Variants in MED12L observed in about 807,000 individuals in gnomAD.
The protein encoded by MED12L is mediator complex subunit 12L.
In MED12L, 60 loss-of-function variants were observed where a neutral mutation model predicts 281.3. That is an observed-to-expected ratio of 0.21 (90% confidence interval 0.17 to 0.26). MED12L has a LOEUF of 0.26. Ranked by LOEUF, MED12L falls within the 10% of genes least tolerant of loss-of-function variation. MED12L has a pLI of 1.00. For missense variants in MED12L, 2,146 were observed against 2,680.9 expected (o/e 0.80, Z 4.41); for synonymous variants, 974 against 987.2 (o/e 0.99, Z 0.25).
intron 16 of MED12L, among the ~76,000 whole-genome samples, chr3:151,296,272 A>G (rs1745075779): frequency 6.6e-6 from 1 of 152,214 alleles, no homozygotes; most frequent in East Asian, 1.9e-4. Flanking sequence ...ACTGCATCAT[A>G]TAATCAGTGA....
At chr3:151,385,719 GGGAA>G (rs1281923144) in intron 36 of MED12L, among the ~76,000 whole-genome samples, 136 of 147,292 alleles carry the variant, frequency 9.2e-4, no homozygotes, top group South Asian at 1.7e-3. Context: ...TCTCTGGGGG[GGGAA>G]AAAAAAAAAA....
At chr3:151,088,377 A>G (rs1719558798) in intron 2 of MED12L, among the ~76,000 whole-genome samples, 1 of 152,154 alleles carries the variant, frequency 6.6e-6, no homozygotes, top group Non-Finnish European at 1.5e-5. Flanking sequence ...ACTTAGAATG[A>G]AGTTAATGGT....
At chr3:151,308,857 A>C (rs532449572) in intron 16 of MED12L, among the ~76,000 whole-genome samples, 1 of 152,312 alleles carries the variant, frequency 6.6e-6, no homozygotes, top group Non-Finnish European at 1.5e-5. Context: ...AGCTTAACCA[A>C]ACCTTAATGC....
At chr3:151,285,045 A>G (rs1743287627) in intron 16 of MED12L, among the ~76,000 whole-genome samples, 1 of 152,376 alleles carries the variant, frequency 6.6e-6, no homozygotes, top group East Asian at 1.9e-4. Context: ...TGTTGATAAA[A>G]AGAAACAAAA....
intron 16 of MED12L, among the ~76,000 whole-genome samples, chr3:151,239,777 A>G (rs1387874309): frequency 1.3e-5 from 2 of 152,176 alleles, no homozygotes; most frequent in Non-Finnish European, 2.9e-5. Context: ...TATGGTTGTT[A>G]GTTTGCTTGT....
In MED12L at chr3:151,416,406, A is replaced by G. The variant is rs1199683066; in HGVS notation, c.6392A>G (p.Gln2131Arg). The G allele has an allele frequency of 6.2e-7, 1 of 1,613,830 alleles. No individual in the cohort carries two copies. The highest frequency in any genetic ancestry group is 2.2e-5 in the East Asian group (1 of 44,884). The stretch of plus-strand genomic sequence containing the variant: ...CAGACCCTTGGTCTCCAAGCAATGC[A>G]GCCCCAGCAGCCCTTGGTAAGGCCT... ...QSQTLGLQAMQPQQPLFPRQG... is the reference protein window; with the variant it reads ...QSQTLGLQAMRPQQPLFPRQG... The change falls in exon 43 of 45, where the codon CAG becomes CGG. Residue 2131 changes from glutamine (Q) to arginine (R), a missense_variant. Gln to Arg is a conservative substitution (Grantham distance 43). Coordinates refer to ENST00000687756, the MANE Select transcript of MED12L (RefSeq NM_001393769.1).
intron 16 of MED12L, chr3:151,337,906 T>G: frequency 1.2e-6 from 2 of 1,614,122 alleles, no homozygotes; most frequent in Non-Finnish European, 1.7e-6. Context: ...TTGGGGCACT[T>G]CAGCATACTT....
At chr3:151,240,452 G>A (rs939152463) in intron 16 of MED12L, among the ~76,000 whole-genome samples, 5 of 152,202 alleles carry the variant, frequency 3.3e-5, no homozygotes, top group Non-Finnish European at 7.3e-5. Flanking sequence ...CCAGGTACTA[G>A]CATGTCTTGT....
At chr3:151,175,209 A>G (rs1209965830) in intron 11 of MED12L, among the ~76,000 whole-genome samples, 1 of 152,174 alleles carries the variant, frequency 6.6e-6, no homozygotes, top group African/African-American at 2.4e-5. Context: ...CTCAGCTTGC[A>G]ACCTATATGA....
rs35742538 is a variant in MED12L, at chr3:151,292,288, CTTT to C, written c.2251-57756_2251-57754del. Among the ~76,000 whole-genome samples, 688 of 139,852 alleles carry C rather than the reference CTTT, an allele frequency of 4.9e-3. 13 individuals are homozygous for C. Among genetic ancestry groups the C allele is most frequent in the African/African-American group, 0.011 (412 of 36,706 alleles). 91.7% of individuals were successfully genotyped at this position (139,852 alleles called of 152,430 possible). A position where few individuals can be genotyped will look rare whatever the true frequency, so the allele number is the denominator to read the frequency against. ...TATTTTCCCAGCAATAATATTGCTCCTTTTTTTTTTTTTTTTTGGATGGAGTTT... is the reference window on the plus strand; with the variant it reads ...TATTTTCCCAGCAATAATATTGCTCCTTTTTTTTTTTTTTGGATGGAGTTT... On this transcript the variant is annotated intron_variant, in intron 16 of 44. Coordinates refer to ENST00000687756, the MANE Select transcript of MED12L (RefSeq NM_001393769.1).
At position 151,401,144 on chromosome 3, in the gene MED12L, G is replaced by A. The variant is rs190662638; in HGVS notation, c.5820+6277G>A. Among the ~76,000 whole-genome samples the A allele has an allele frequency of 1.5e-3, 221 of 152,112 alleles. 2 individuals are homozygous for A. Among genetic ancestry groups the A allele is most frequent in the African/African-American group, 4.9e-3 (202 of 41,498 alleles). On this transcript the variant is annotated intron_variant, in intron 39 of 44. Coordinates refer to ENST00000687756, the MANE Select transcript of MED12L (RefSeq NM_001393769.1). ...TGTTGTATTATTTTGCGGCTTTTTT[G>A]TAGCTAATTTAATTATTTCTACTTT...
chr3:151,106,318 C>T (rs1344067565), intron 2 of MED12L, among the ~76,000 whole-genome samples: 7 of 102,910 alleles, frequency 6.8e-5, no homozygotes, highest in Non-Finnish European at 7.8e-5. Context: ...TCTCCCCTCC[C>T]CTCCCCTCCC....
rs764547402 is a variant in MED12L, at chr3:151,372,634, G to A, written c.3732G>A (p.Leu1244=). ...LKNDDFTMRG[L]RCDGNADDIW... ...ATGATGACTTCACCATGAGAGGTTT[G>A]CGATGTGATGGGAATGCTGATGATA... Residue 1244 remains leucine (L), a synonymous_variant, in exon 27 of 45, where the codon TTG becomes TTA. Transcript: ENST00000687756. 6.2e-6 allele frequency: 10 copies of A among 1,613,942 alleles called. No homozygotes were observed. Among genetic ancestry groups the A allele is most frequent in the Admixed American group, 1.7e-5 (1 of 60,030 alleles).
At chr3:151,235,928 T>C (rs186818954) in intron 16 of MED12L, among the ~76,000 whole-genome samples, 1 of 152,212 alleles carries the variant, frequency 6.6e-6, no homozygotes, top group Non-Finnish European at 1.5e-5. Context: ...TTTTCTCTTG[T>C]CTCCCTTTGT....
intron 16 of MED12L, among the ~76,000 whole-genome samples, chr3:151,332,073 C>T (rs1237529557): frequency 6.6e-6 from 1 of 152,138 alleles, no homozygotes; most frequent in Non-Finnish European, 1.5e-5. Context: ...ACTTGTGAAA[C>T]TTTATGCCAA....
chr3:151,346,189 C>T (rs143736134), intron 16 of MED12L, among the ~76,000 whole-genome samples: 290 of 152,106 alleles, frequency 1.9e-3, no homozygotes, highest in African/African-American at 6.8e-3. Flanking sequence ...CTTTTTTTCC[C>T]GATGGTCAAG....
chr3:151,283,668 A>G (rs1743101865), intron 16 of MED12L, among the ~76,000 whole-genome samples: 1 of 152,236 alleles, frequency 6.6e-6, no homozygotes, highest in Non-Finnish European at 1.5e-5. Context: ...CTACCATAGT[A>G]CATACTCAGA....
intron 5 of MED12L, among the ~76,000 whole-genome samples, chr3:151,155,387 A>AT (rs981696054): frequency 5.9e-5 from 9 of 152,068 alleles, no homozygotes; most frequent in African/African-American, 1.4e-4. Flanking sequence ...AATTTCAGTG[A>AT]TTTTTTTCCT....
At chr3:151,206,341 G>C (rs6777211) in intron 16 of MED12L, among the ~76,000 whole-genome samples, 5,906 of 151,328 alleles carry the variant, frequency 0.039, 392 homozygotes, top group African/African-American at 0.13. Flanking sequence ...TCACATTCTT[G>C]GAATGTGAAC....
Sources: allele counts gnomAD v4.1 joint callset (sites outside exome capture counted in the v4.1 genomes callset), GRCh38; gene constraint gnomAD v4.1.1; transcripts MANE v1.5; gene names NCBI Gene and HGNC (gene_info 2026-07-23, HGNC 2026-07-21).